MICAL3: variants seen among roughly 807,000 people sequenced by gnomAD.
MICAL3 encodes the protein microtubule associated monooxygenase, calponin and LIM domain containing 3, also known as [F-actin]-monooxygenase MICAL3.
A neutral mutation model predicts 207.4 loss-of-function variants in MICAL3; 62 were observed. The ratio of observed to expected loss-of-function variants is 0.30; its 90% CI spans 0.24 to 0.37. The LOEUF (loss-of-function observed/expected upper bound fraction) is 0.37, where lower values mean the gene tolerates loss of function less well. Among genes scored for constraint, MICAL3 ranks in the 10% least tolerant of loss-of-function variants. MICAL3 has a pLI of 1.00. For missense variants in MICAL3, 2,368 were observed against 2,635.6 expected, an observed-to-expected ratio of 0.90 and a Z score of 2.22; for synonymous variants, 1,077 against 1,069.3, an observed-to-expected ratio of 1.01 and a Z score of -0.14.
intron 1 of MICAL3, among the ~76,000 whole-genome samples, chr22:17,917,332 C>T (rs1160210773): frequency 6.6e-6 from 1 of 152,206 alleles, no homozygotes; most frequent in Non-Finnish European, 1.5e-5. Context: ...TGTTCTGCAT[C>T]TTGGTAAACA....
chr22:17,974,449 C>T (rs576771144), intron 1 of MICAL3, among the ~76,000 whole-genome samples: 30 of 152,310 alleles, frequency 2.0e-4, no homozygotes, highest in African/African-American at 7.0e-4. Flanking sequence ...TGGTGGCTCA[C>T]GCCTATAATC....
chr22:17,875,357 T>C, intron 16 of MICAL3: 1 of 734,036 alleles, frequency 1.4e-6, no homozygotes, highest in Non-Finnish European at 2.1e-6. Context: ...TGAGGAACAC[T>C]GCAGCCTCCT....
At chr22:17,798,280 C>A (rs2061897983) in intron 29 of MICAL3, among the ~76,000 whole-genome samples, 1 of 152,218 alleles carries the variant, frequency 6.6e-6, no homozygotes, top group Non-Finnish European at 1.5e-5. Flanking sequence ...TGGCCCCACA[C>A]CCTCCCTTCT....
At chr22:18,018,273 T>C (rs182744830) in intron 1 of MICAL3, among the ~76,000 whole-genome samples, 1 of 152,264 alleles carries the variant, frequency 6.6e-6, no homozygotes, top group Non-Finnish European at 1.5e-5. Flanking sequence ...TCTATTTTTT[T>C]GCTAGCTCTT....
intron 28 of MICAL3, among the ~76,000 whole-genome samples, chr22:17,809,571 T>A (rs365746): frequency 1.3e-5 from 2 of 152,020 alleles, no homozygotes; most frequent in Non-Finnish European, 1.5e-5. Context: ...GAGGCAGAGG[T>A]TGCAGTGAGC....
chr22:17,979,790 A>C (rs948533374), intron 1 of MICAL3, among the ~76,000 whole-genome samples: 58 of 131,234 alleles, frequency 4.4e-4, no homozygotes, highest in Non-Finnish European at 6.0e-4. Context: ...AAAACAAAAA[A>C]AAACAAAAAA....
chr22:17,963,015 G>C (rs1430212780), intron 1 of MICAL3, among the ~76,000 whole-genome samples: 1 of 152,052 alleles, frequency 6.6e-6, no homozygotes, highest in Non-Finnish European at 1.5e-5. Flanking sequence ...GCCTCCCAAA[G>C]TGCTGAGATT....
At chr22:17,955,292 C>A (rs776219480) in intron 1 of MICAL3, among the ~76,000 whole-genome samples, 2 of 152,126 alleles carry the variant, frequency 1.3e-5, no homozygotes, top group Non-Finnish European at 2.9e-5. Context: ...AAGGATCTGT[C>A]CAGGAGAGAC....
intron 1 of MICAL3, chr22:18,001,322 T>C (rs1351477820): frequency 6.6e-6 from 1 of 152,144 alleles, no homozygotes; most frequent in African/African-American, 2.4e-5. Context: ...GACCCCGAGC[T>C]CGGGCGCGAG....
chr22:17,817,547 G>C lies in MICAL3; in HGVS notation c.5114C>G (p.Pro1705Arg), dbSNP rs754123293. The C allele has an allele frequency of 3.7e-6, 6 of 1,613,344 alleles. No individual in the cohort carries two copies. The highest frequency in any genetic ancestry group is 4.5e-5 in the East Asian group (2 of 44,874). ...CTTCTTCTCCTTCTTGTTTCTGCGGGGGGAGAAGAGTGACGACCTCTTCTT... is the reference window on the plus strand; with the variant it reads ...CTTCTTCTCCTTCTTGTTTCTGCGGCGGGAGAAGAGTGACGACCTCTTCTT... ...KSKKRSSLFSPRRNKKEKKSK... is the reference protein window; with the variant it reads ...KSKKRSSLFSRRRNKKEKKSK... The change falls in exon 26 of 32, where the codon CCC becomes CGC. Residue 1705 changes from proline to arginine, a missense_variant. Pro to Arg is a moderately radical substitution (Grantham distance 103). Around this residue, in one of 4 missense-constraint regions of MICAL3, gnomAD observed 1,770 missense variants for 1,863.2 expected, o/e 0.95. Transcript: ENST00000441493.
intron 1 of MICAL3, among the ~76,000 whole-genome samples, chr22:17,942,295 C>T (rs2146339529): frequency 6.6e-6 from 1 of 152,262 alleles, no homozygotes; most frequent in East Asian, 1.9e-4. Flanking sequence ...TTCCTCTCAC[C>T]CAACAAATCA....
chr22:17,857,515 G>A (rs1472082843), intron 19 of MICAL3, among the ~76,000 whole-genome samples: 1 of 152,236 alleles, frequency 6.6e-6, no homozygotes, highest in Non-Finnish European at 1.5e-5. Context: ...TCTCCCGCAG[G>A]TGCAGGAGAG....
chr22:18,011,840 C>T (rs1602399041), intron 1 of MICAL3, among the ~76,000 whole-genome samples: 1 of 150,358 alleles, frequency 6.7e-6, no homozygotes, highest in Non-Finnish European at 1.5e-5. Context: ...TGCAGTGAGC[C>T]GAGATCGCAC....
chr22:17,872,006 C>T lies in MICAL3; in HGVS notation c.2259G>A (p.Glu753=), dbSNP rs754249711. The change falls in exon 17 of 32, where the codon GAG becomes GAA. Residue 753 remains glutamate (E), a synonymous_variant. Coordinates refer to ENST00000441493, the MANE Select transcript of MICAL3 (RefSeq NM_015241.3). The part of the protein sequence containing the change: ...GIRRQGSMKK[E]FPQNLGGSDT... ...CGCTGCCTCCCAGGTTCTGCGGGAA[C>T]TCCTTCTTCATGGAGCCCTGCAGGA... 1.9e-6 allele frequency: 3 copies of T among 1,605,852 alleles called. No individual in the cohort carries two copies. Among genetic ancestry groups the T allele is most frequent in the South Asian group, 2.2e-5 (2 of 89,122 alleles).
In MICAL3 at chr22:17,823,061, C is replaced by A; in HGVS notation, c.3194-1G>T. ...TCTAGGTCATTCTCATCCAATGGGGCTGCAAAGCAGAAAGGTTCAAAGGAA... is the reference window on the plus strand; with the variant it reads ...TCTAGGTCATTCTCATCCAATGGGGATGCAAAGCAGAAAGGTTCAAAGGAA... On this transcript the variant is annotated splice_acceptor_variant, in intron 22 of 31. Transcript: ENST00000441493. LOFTEE classifies it high-confidence loss of function. 6.3e-7 allele frequency: 1 copy of A among 1,592,602 alleles called. No homozygotes were observed. Among genetic ancestry groups the A allele is most frequent in the Non-Finnish European group, 8.6e-7 (1 of 1,160,602 alleles).
chr22:17,870,681 C>G (rs957765399), intron 17 of MICAL3, among the ~76,000 whole-genome samples: 1 of 152,198 alleles, frequency 6.6e-6, no homozygotes, highest in African/African-American at 2.4e-5. Context: ...ATCAAATGAG[C>G]TATCCAGAGA....
At chr22:17,805,445 A>AT (rs1209289883) in intron 29 of MICAL3, among the ~76,000 whole-genome samples, 1 of 152,288 alleles carries the variant, frequency 6.6e-6, no homozygotes, top group Non-Finnish European at 1.5e-5. Flanking sequence ...GGTAGGAACC[A>AT]TAATTCCTGA....
chr22:17,813,088 C>G (rs550466878), intron 27 of MICAL3: 1 of 152,288 alleles, frequency 6.6e-6, no homozygotes, highest in Non-Finnish European at 1.5e-5. Context: ...GGCAGTGTTC[C>G]TGTGTGCCAC....
rs1934576953 is a variant in MICAL3 at position 17,955,670 on chromosome 22, C to T, written c.-74-48784G>A. ...CTTACAAATTAACACTTTCTCAAGCCGATCCTTGGAGCAGCATTTTCTAAG... is the reference window on the plus strand; with the variant it reads ...CTTACAAATTAACACTTTCTCAAGCTGATCCTTGGAGCAGCATTTTCTAAG... On this transcript the variant is annotated intron_variant, in intron 1 of 31. Coordinates refer to ENST00000441493, the MANE Select transcript of MICAL3 (RefSeq NM_015241.3). 3.3e-5 allele frequency among the ~76,000 whole-genome samples: 5 copies of T among 152,254 alleles called. No individual in the cohort carries two copies. In the South Asian group the frequency reaches 1.0e-3, roughly 31 times the overall value.
Sources: gnomAD v4.1 joint callset for allele counts (sites outside exome capture counted in the v4.1 genomes callset) on GRCh38, gnomAD v4.1.1 for gene constraint, gnomAD v4.1.1 regional missense constraint, MANE v1.5 for transcripts, NCBI Gene and HGNC (gene_info 2026-07-23, HGNC 2026-07-21) for gene names.